The following EYS variants were observed in gnomAD, a reference collection of about 807,000 sequenced individuals.
EYS encodes the protein EGF-like photoreceptor maintenance factor, also known as protein eyes shut homolog.
EYS carries 250 observed loss-of-function variants against 282.1 expected under a neutral mutation model. The ratio of observed to expected loss-of-function variants is 0.89; its 90% CI spans 0.80 to 0.98. EYS has a LOEUF of 0.98. Ranked by LOEUF, EYS falls within the 50% of genes least tolerant of loss-of-function variation. The pLI, the probability that EYS is intolerant of heterozygous loss-of-function variation, is 0.00. For missense variants in EYS, 4,016 were observed against 3,709.0 expected (o/e 1.08, Z -2.15); for synonymous variants, 1,355 against 1,282.9 (o/e 1.06, Z -1.20).
intron 31 of EYS, among the ~76,000 whole-genome samples, chr6:64,196,101 C>A (rs1329904207): frequency 2.6e-5 from 4 of 152,174 alleles, no homozygotes; most frequent in African/African-American, 9.7e-5. Flanking sequence ...ACAGACACTT[C>A]TCAAAAGAAG....
At chr6:64,083,969 C>T (rs1582244327) in intron 31 of EYS, among the ~76,000 whole-genome samples, 1 of 152,170 alleles carries the variant, frequency 6.6e-6, no homozygotes, top group Non-Finnish European at 1.5e-5. Context: ...AACTCCTGAC[C>T]TCAGGTGATC....
At chr6:63,986,819 C>T (rs1017642309) in intron 34 of EYS, among the ~76,000 whole-genome samples, 2 of 151,556 alleles carry the variant, frequency 1.3e-5, no homozygotes, top group Admixed American at 1.3e-4. Flanking sequence ...GAAAAAATAA[C>T]TATTGGGTGC....
At chr6:65,069,670 T>C (rs1246406252) in intron 12 of EYS, among the ~76,000 whole-genome samples, 1 of 151,934 alleles carries the variant, frequency 6.6e-6, no homozygotes, top group Non-Finnish European at 1.5e-5. Flanking sequence ...GCTCTCTTTC[T>C]CCTCTCAATT....
rs142370793 is a variant in EYS, at chr6:63,877,706, C to T, written c.7056-13348G>A. On this transcript the variant is annotated intron_variant, in intron 35 of 42. Coordinates refer to ENST00000503581, the MANE Select transcript of EYS (RefSeq NM_001142800.2). Reference sequence around the variant, plus strand: ...TTTTCTTAAACTTCTCTTCTTGCTTCATTTCATTCATTTGATCTTCAGTCG... The same window carrying T: ...TTTTCTTAAACTTCTCTTCTTGCTTTATTTCATTCATTTGATCTTCAGTCG... Among the ~76,000 whole-genome samples, 912 of 152,200 alleles carry T rather than the reference C, an allele frequency of 6.0e-3. 5 individuals are homozygous for T. The highest frequency in any genetic ancestry group is 0.017 in the Middle Eastern group (5 of 294).
At chr6:65,604,525 G>A (rs1180365235) in intron 2 of EYS, among the ~76,000 whole-genome samples, 1 of 151,706 alleles carries the variant, frequency 6.6e-6, no homozygotes, top group Non-Finnish European at 1.5e-5. Flanking sequence ...CAAGGTGTAG[G>A]TTATACATGT....
intron 12 of EYS, among the ~76,000 whole-genome samples, chr6:65,256,500 A>G (rs1767470633): frequency 8.1e-6 from 1 of 123,404 alleles, no homozygotes; most frequent in African/African-American, 3.3e-5. Context: ...ATTCCCACCT[A>G]TGAGTGAGAA....
At chr6:64,811,235 T>C (rs1000156380) in intron 22 of EYS, among the ~76,000 whole-genome samples, 2 of 152,060 alleles carry the variant, frequency 1.3e-5, no homozygotes, top group South Asian at 2.1e-4. Flanking sequence ...GGCATTACCA[T>C]TGACAGATCT....
intron 30 of EYS, among the ~76,000 whole-genome samples, chr6:64,246,058 A>T (rs1248660681): frequency 7.1e-6 from 1 of 140,808 alleles, no homozygotes. Flanking sequence ...AATTTTGGGT[A>T]AATCATAATA....
At chr6:65,018,241 G>A (rs1772118950) in intron 13 of EYS, among the ~76,000 whole-genome samples, 1 of 152,138 alleles carries the variant, frequency 6.6e-6, no homozygotes, top group Non-Finnish European at 1.5e-5. Flanking sequence ...GACCATTCTG[G>A]AGTCTAGAAG....
chr6:63,969,085 T>C (rs536404842), intron 35 of EYS, among the ~76,000 whole-genome samples: 14 of 152,372 alleles, frequency 9.2e-5, no homozygotes, highest in African/African-American at 3.1e-4. Flanking sequence ...CACAGTGATA[T>C]ATTTTTCAAT....
intron 36 of EYS, among the ~76,000 whole-genome samples, chr6:63,838,801 C>T (rs376073792): frequency 6.6e-6 from 1 of 152,240 alleles, no homozygotes; most frequent in African/African-American, 2.4e-5. Context: ...CTCAGTCTCC[C>T]TTTCTTCTCT....
chr6:64,912,814 C>T (rs1297077365), intron 15 of EYS, 71 bp from the exon 16 acceptor site: 3 of 898,212 alleles, frequency 3.3e-6, no homozygotes, highest in South Asian at 5.9e-5. Flanking sequence ...TTTTTAATTA[C>T]TCCCTTGAAC....
chr6:65,087,977 T>C (rs1257282992), intron 12 of EYS, among the ~76,000 whole-genome samples: 1 of 152,098 alleles, frequency 6.6e-6, no homozygotes, highest in Non-Finnish European at 1.5e-5. Flanking sequence ...TGAGATCTGA[T>C]GGTTTTATAA....
chr6:63,801,104 T>C (rs963067936), intron 37 of EYS, among the ~76,000 whole-genome samples: 1 of 152,142 alleles, frequency 6.6e-6, no homozygotes, highest in African/African-American at 2.4e-5. Context: ...TGATGAAACA[T>C]GTTGATTAGC....
At chr6:64,729,764 A>G (rs73442667) in intron 22 of EYS, among the ~76,000 whole-genome samples, 1,810 of 152,266 alleles carry the variant, frequency 0.012, 39 homozygotes, top group African/African-American at 0.042. Context: ...TTTTTTTTAC[A>G]CAATGTTATT....
At chr6:64,679,760 T>G (rs754014793) in intron 22 of EYS, among the ~76,000 whole-genome samples, 8 of 152,214 alleles carry the variant, frequency 5.3e-5, no homozygotes, top group Non-Finnish European at 1.2e-4. Flanking sequence ...TTTTAATTAT[T>G]TTTTCTTTAT....
chr6:64,463,732 C>T (rs753455685), intron 26 of EYS, among the ~76,000 whole-genome samples: 38 of 152,020 alleles, frequency 2.5e-4, no homozygotes, highest in Non-Finnish European at 7.4e-5. Flanking sequence ...AGACACATTA[C>T]AAATAATACC....
chr6:64,896,885 G>A (rs1006209472), intron 18 of EYS, among the ~76,000 whole-genome samples: 4 of 152,082 alleles, frequency 2.6e-5, no homozygotes, highest in East Asian at 1.9e-4. Context: ...CAAAGCTGCC[G>A]TAGACAGACC....
At chr6:64,454,427 TA>T (rs1465805619) in intron 26 of EYS, among the ~76,000 whole-genome samples, 1 of 152,164 alleles carries the variant, frequency 6.6e-6, no homozygotes, top group Admixed American at 6.6e-5. Flanking sequence ...TTAAGTTGCA[TA>T]AAAAGTCATT....
Sources: gnomAD v4.1 joint callset for allele counts (sites outside exome capture counted in the v4.1 genomes callset) on GRCh38, gnomAD v4.1.1 for gene constraint, MANE v1.5 for transcripts, NCBI Gene and HGNC (gene_info 2026-07-23, HGNC 2026-07-21) for gene names.